BMX: variants seen among roughly 807,000 people sequenced by gnomAD.
BMX encodes the protein BMX non-receptor tyrosine kinase, also known as cytoplasmic tyrosine-protein kinase BMX.
Under a neutral mutation model 59.2 loss-of-function variants are expected in BMX, and 31 were observed. The observed-to-expected ratio is 0.52, with a 90% CI of 0.39 to 0.71. BMX has a LOEUF of 0.71. BMX is among the 30% of genes least tolerant of loss of function. The pLI is 0.00. For missense variants in BMX, 474 were observed against 491.7 expected (o/e 0.96, Z 0.34); for synonymous variants, 185 against 181.0 (o/e 1.02, Z -0.18).
intron 18 of BMX, among the ~76,000 whole-genome samples, chrX:15,553,939 G>C (rs1240039056): frequency 1.8e-5 from 2 of 112,312 alleles, no homozygotes; most frequent in African/African-American, 6.5e-5. Context: ...GTGAAGAGGG[G>C]TTTGCACTGA....
At chrX:15,534,184 A>G in intron 11 of BMX, 28 bp from the exon 12 acceptor site, 4 of 1,109,669 alleles carry the variant, frequency 3.6e-6, no homozygotes, top group Non-Finnish European at 4.8e-6. Flanking sequence ...GTTTATTTTA[A>G]ATGTTCTAAC....
At chrX:15,522,702 A>T in intron 7 of BMX, 115 bp downstream of exon 7, 6 of 1,050,332 alleles carry the variant, frequency 5.7e-6, no homozygotes, top group Non-Finnish European at 7.7e-6. Flanking sequence ...CTCTCAGAAA[A>T]TGTTCAGTGC....
intron 3 of BMX, among the ~76,000 whole-genome samples, chrX:15,511,079 G>A (rs58763787): frequency 2.6e-3 from 288 of 111,845 alleles, no homozygotes; most frequent in African/African-American, 8.9e-3. Context: ...ACATTTTCCA[G>A]TGGGCTGTAA....
At chrX:15,505,875 CTTTAG>C (rs1923721337) in intron 1 of BMX, among the ~76,000 whole-genome samples, 1 of 111,370 alleles carries the variant, frequency 9.0e-6, no homozygotes, top group Non-Finnish European at 1.9e-5. Context: ...AAATTCTCAC[CTTTAG>C]TGTGATGCAC....
Position 15,542,037 on chromosome X carries a change from C to T in BMX, c.1450C>T (p.Pro484Ser). Residue 484 changes from proline to serine, a missense_variant, in exon 15 of 19, where the codon CCC becomes TCC. Transcript: ENST00000348343. ...KFYGVCSKEY[P>S]IYIVTEYISN... is the part of the protein sequence containing the mutation. ...CTATGGAGTGTGTTCAAAGGAATAC[C>T]CCATATACATAGTGACTGAATATAT... 8.3e-7 allele frequency: 1 copy of T among 1,210,588 alleles called. No homozygotes were observed. Among genetic ancestry groups the T allele is most frequent in the Non-Finnish European group, 1.1e-6 (1 of 895,041 alleles).
chrX:15,544,157 G>C (rs1030328352), intron 16 of BMX, among the ~76,000 whole-genome samples: 28 of 111,215 alleles, frequency 2.5e-4, no homozygotes, highest in African/African-American at 7.5e-4. Flanking sequence ...ACCAAGGCCA[G>C]GTTAATATTT....
intron 3 of BMX, among the ~76,000 whole-genome samples, chrX:15,509,746 A>G (rs1923881082): frequency 9.0e-6 from 1 of 111,275 alleles, no homozygotes; most frequent in Non-Finnish European, 1.9e-5. Flanking sequence ...ACTATGGGGA[A>G]CAAAACACTG....
chrX:15,537,441 A>G (rs1925420377), intron 14 of BMX, 136 bp downstream of exon 14: 2 of 675,139 alleles, frequency 3.0e-6, no homozygotes, highest in East Asian at 7.7e-5. Context: ...TTTAGAAGTT[A>G]TAAATTGAAC....
chrX:15,529,213 T>A (rs2086002610), intron 9 of BMX, among the ~76,000 whole-genome samples: 2 of 111,681 alleles, frequency 1.8e-5, no homozygotes, highest in African/African-American at 6.5e-5. Context: ...CCAGCTGACA[T>A]CCCTTCCCAA....
At position 15,531,420 on chromosome X, in the gene BMX, C is replaced by T. The variant is rs200495384; in HGVS notation, c.1019+13C>T. The T allele has an allele frequency of 5.2e-6, 6 of 1,155,454 alleles. No individual in the cohort carries two copies. The highest frequency in any genetic ancestry group is 3.0e-5 in the East Asian group (1 of 33,439). On this transcript the variant is annotated intron_variant, in intron 11 of 18. Coordinates refer to ENST00000348343, the MANE Select transcript of BMX (RefSeq NM_203281.3). ...GTAAGGCTGTGAAGTAAGTATGATA[C>T]GGATTAATTTCTTTTCTCTTTCTGC...
chrX:15,501,560 A>C (rs1399565784), intron 1 of BMX, among the ~76,000 whole-genome samples: 2 of 111,938 alleles, frequency 1.8e-5, no homozygotes. Context: ...AAAGGAGTGC[A>C]ACTTTGTGGT....
At chrX:15,508,541 A>G in intron 2 of BMX, 50 bp downstream of exon 2, 1 of 991,191 alleles carries the variant, frequency 1.0e-6, no homozygotes, top group Non-Finnish European at 1.4e-6. Flanking sequence ...TATTTTTCCT[A>G]AGTCTCCACA....
chrX:15,509,214 C>A, intron 2 of BMX, 115 bp from the exon 3 acceptor site: 2 of 110,107 alleles, frequency 1.8e-5, no homozygotes, highest in Admixed American at 1.1e-4. Flanking sequence ...AAGTGACTCT[C>A]CATTGCCCAC....
At chrX:15,552,690 G>A (rs1236469030) in intron 18 of BMX, among the ~76,000 whole-genome samples, 1 of 112,319 alleles carries the variant, frequency 8.9e-6, no homozygotes, top group South Asian at 3.7e-4. Context: ...ACAGGAAGGA[G>A]CACTGTAAAA....
At chrX:15,502,808 A>G (rs1439350084) in intron 1 of BMX, among the ~76,000 whole-genome samples, 3 of 111,800 alleles carry the variant, frequency 2.7e-5, no homozygotes, top group Non-Finnish European at 5.6e-5. Context: ...TTGTTCAGTT[A>G]TTTAGCACGA....
intron 1 of BMX, among the ~76,000 whole-genome samples, chrX:15,502,159 A>T (rs1255010554): frequency 1.8e-5 from 2 of 111,467 alleles, no homozygotes; most frequent in East Asian, 5.6e-4. Flanking sequence ...CAGATGGGGA[A>T]GCTGAGGTTT....
At chrX:15,518,318 T>G (rs1003167834) in intron 6 of BMX, among the ~76,000 whole-genome samples, 2 of 110,819 alleles carry the variant, frequency 1.8e-5, no homozygotes, top group Non-Finnish European at 3.8e-5. Context: ...CAGGCAGCTG[T>G]TATTAGCTGT....
intron 1 of BMX, among the ~76,000 whole-genome samples, chrX:15,505,084 C>T (rs1389665048): frequency 4.5e-5 from 5 of 112,081 alleles, no homozygotes; most frequent in African/African-American, 6.5e-5. Context: ...TGTCACAATA[C>T]GAGGGGGGAA....
intron 14 of BMX, among the ~76,000 whole-genome samples, chrX:15,539,070 T>C (rs1330908565): frequency 9.0e-6 from 1 of 111,264 alleles, no homozygotes; most frequent in African/African-American, 3.3e-5. Context: ...ATGTAACTGG[T>C]TCTGCCTTCA....
Sources: allele counts gnomAD v4.1 joint callset (sites outside exome capture counted in the v4.1 genomes callset), GRCh38; gene constraint gnomAD v4.1.1; transcripts MANE v1.5; gene names NCBI Gene and HGNC (gene_info 2026-07-23, HGNC 2026-07-21).